CHID1: variants seen among roughly 807,000 people sequenced by gnomAD.
The protein encoded by CHID1 is chitinase domain containing 1.
Under a neutral mutation model 55.4 loss-of-function variants are expected in CHID1, and 44 were observed. That is an observed-to-expected ratio of 0.79 (90% CI 0.62 to 1.02). The LOEUF is 1.02. Among genes scored for constraint, CHID1 ranks in the 50% least tolerant of loss-of-function variants. The pLI, the probability that CHID1 is intolerant of heterozygous loss-of-function variation, is 0.00. For synonymous variants in CHID1, 216 were observed against 212.9 expected, an observed-to-expected ratio of 1.01 and a Z score of -0.13; for missense variants, 491 against 515.3, an observed-to-expected ratio of 0.95 and a Z score of 0.46.
rs925344618 is a variant in CHID1, at chr11:880,200, C to T, written c.959+2948G>A. Among the ~76,000 whole-genome samples, 7 of 152,244 alleles carry T rather than the reference C, an allele frequency of 4.6e-5. No homozygotes were observed. In the East Asian group the frequency reaches 7.7e-4, roughly 17 times the overall value. On this transcript the variant is annotated intron_variant, in intron 10 of 12. Transcript: ENST00000323578. Reference sequence around the variant, plus strand: ...CTCGCCTGTGCGGAGCCCCGCGTGTCTCAGTGTGTGGCTGAGTTCTCTATG... The same window carrying T: ...CTCGCCTGTGCGGAGCCCCGCGTGTTTCAGTGTGTGGCTGAGTTCTCTATG...
chr11:878,041 C>T (rs1025116245), intron 10 of CHID1, among the ~76,000 whole-genome samples: 6 of 152,238 alleles, frequency 3.9e-5, no homozygotes, highest in Non-Finnish European at 7.3e-5. Flanking sequence ...GCACCACCTC[C>T]GGACTCTTCG....
chr11:900,222 A>G, intron 5 of CHID1, 112 bp from the exon 6 acceptor site: 3 of 794,110 alleles, frequency 3.8e-6, no homozygotes, highest in Non-Finnish European at 6.2e-6. Flanking sequence ...AAGTGAGACC[A>G]GACAGTGAGG....
intron 8 of CHID1, among the ~76,000 whole-genome samples, chr11:885,794 C>T (rs756613635): frequency 3.9e-4 from 59 of 152,262 alleles, no homozygotes; most frequent in Non-Finnish European, 7.8e-4. Flanking sequence ...CGGCACGATC[C>T]TATCTCACTA....
At chr11:910,917 T>G (rs1852633618), upstream of CHID1, 5 of 779,464 alleles carry the variant, frequency 6.4e-6, no homozygotes, top group South Asian at 2.7e-4. Context: ...GACAGGGGAC[T>G]GGGCAGGGCT....
rs916211784 is a variant in CHID1 at position 868,992 on chromosome 11, G to A, written c.*866C>T. 2.0e-5 allele frequency: 3 copies of A among 152,348 alleles called. No homozygotes were observed. The highest frequency in any genetic ancestry group is 7.2e-5 in the African/African-American group (3 of 41,456). The allele number at this position is 152,348 out of a possible 1,614,324, so 9.4% of individuals were successfully genotyped here. On this transcript the variant is annotated 3_prime_UTR_variant, in exon 13 of 13. Transcript: ENST00000323578. The stretch of plus-strand genomic sequence containing the variant: ...GACAGGATGGTGACGAGGGGCAGGG[G>A]AACGAGGGCCACCAGGCCTTGGCTC...
chr11:877,573 A>C (rs1458961644), intron 10 of CHID1, among the ~76,000 whole-genome samples: 1 of 152,196 alleles, frequency 6.6e-6, no homozygotes. Context: ...GACCTGACCC[A>C]GGCTCTTGTG....
upstream of CHID1, among the ~76,000 whole-genome samples, chr11:912,848 AAAAG>A (rs1589924337): frequency 6.6e-6 from 1 of 151,244 alleles, no homozygotes; most frequent in Non-Finnish European, 1.5e-5. Context: ...AAAAAAAAAA[AAAAG>A]AAAAAGAAAA....
upstream of CHID1, chr11:914,404 G>C: frequency 1.5e-6 from 1 of 658,590 alleles, no homozygotes; most frequent in East Asian, 6.8e-5. Flanking sequence ...CTGCCTGTCT[G>C]CCGTGGGCAT....
intron 10 of CHID1, among the ~76,000 whole-genome samples, chr11:874,079 G>C (rs992923141): frequency 6.6e-6 from 1 of 152,196 alleles, no homozygotes; most frequent in Admixed American, 6.5e-5. Context: ...GAAACTTTTG[G>C]AGAAAGGGCT....
At chr11:893,308 G>A in intron 8 of CHID1, 119 bp downstream of exon 8, 2 of 753,790 alleles carry the variant, frequency 2.7e-6, no homozygotes, top group African/African-American at 1.8e-5. Context: ...CTATACAGAC[G>A]GGATGAGGTT....
chr11:869,767 G>C lies in CHID1; in HGVS notation c.*91C>G. On this transcript the variant is annotated 3_prime_UTR_variant, in exon 13 of 13. Coordinates refer to ENST00000323578, the MANE Select transcript of CHID1 (RefSeq NM_023947.4). Reference sequence around the variant, plus strand: ...TGAGGACTGCAGCAGACCCGTCACAGCAAACGGAGTGGAGGCCTGTATTTC... The same window carrying C: ...TGAGGACTGCAGCAGACCCGTCACACCAAACGGAGTGGAGGCCTGTATTTC... 1 of 1,165,634 alleles carries C rather than the reference G, an allele frequency of 8.6e-7. No individual in the cohort carries two copies. Among genetic ancestry groups the C allele is most frequent in the South Asian group, 1.3e-5 (1 of 79,242 alleles). The allele number at this position is 1,165,634 out of a possible 1,614,324, so 72.2% of individuals were successfully genotyped here.
At chr11:904,949 T>C in intron 1 of CHID1, 90 bp from the exon 2 acceptor site, 1 of 1,412,768 alleles carries the variant, frequency 7.1e-7, no homozygotes, top group Non-Finnish European at 9.6e-7. Context: ...TTTCTCCTAA[T>C]AGGGCCTGGG....
chr11:878,291 G>A (rs2134140977), intron 10 of CHID1, among the ~76,000 whole-genome samples: 1 of 152,334 alleles, frequency 6.6e-6, no homozygotes, highest in African/African-American at 2.4e-5. Context: ...GCACGTGCCT[G>A]TAGTTCCAGC....
chr11:877,056 T>G (rs1478767276), intron 10 of CHID1, among the ~76,000 whole-genome samples: 1 of 152,168 alleles, frequency 6.6e-6, no homozygotes, highest in Admixed American at 6.5e-5. Context: ...ATGAGGGGAC[T>G]TCTCAGCTGG....
At chr11:912,837 C>A (rs1272618208), upstream of CHID1, among the ~76,000 whole-genome samples, 4 of 135,928 alleles carry the variant, frequency 2.9e-5, no homozygotes, top group African/African-American at 8.3e-5. Flanking sequence ...GACTCTGCCT[C>A]AAAAAAAAAA....
At chr11:910,259 A>G (rs12791920) in intron 1 of CHID1, among the ~76,000 whole-genome samples, 86,987 of 151,744 alleles carry the variant, frequency 0.57, 25,768 homozygotes, top group East Asian at 0.76. Context: ...TGATGCGCCC[A>G]CCCTTCACGG....
At chr11:881,829 CT>C (rs1849960110) in intron 10 of CHID1, among the ~76,000 whole-genome samples, 1 of 151,292 alleles carries the variant, frequency 6.6e-6, no homozygotes, top group Non-Finnish European at 1.5e-5. Context: ...TGGCAAAACC[CT>C]GTCTCTACAA....
At chr11:898,895 C>T (rs1426103694) in intron 7 of CHID1, among the ~76,000 whole-genome samples, 2 of 152,200 alleles carry the variant, frequency 1.3e-5, no homozygotes, top group African/African-American at 4.8e-5. Flanking sequence ...CAGAGGCCGC[C>T]ATGGCGGTCC....
chr11:914,496 C>T (rs1359092786), upstream of CHID1: 1 of 1,285,716 alleles, frequency 7.8e-7, no homozygotes, highest in Non-Finnish European at 1.0e-6. Flanking sequence ...TGACTGGATC[C>T]CTGCTTTAGG....
Sources: allele counts gnomAD v4.1 joint callset (sites outside exome capture counted in the v4.1 genomes callset), GRCh38; gene constraint gnomAD v4.1.1; transcripts MANE v1.5; gene names NCBI Gene and HGNC (gene_info 2026-07-23, HGNC 2026-07-21).